OXR1: variants seen among roughly 807,000 people sequenced by gnomAD.
OXR1 encodes the protein oxidation resistance 1.
A neutral mutation model predicts 104.6 loss-of-function variants in OXR1; 41 were observed. That is an observed-to-expected ratio of 0.39 (90% CI 0.31 to 0.51). OXR1 has a LOEUF of 0.51. Ranked by LOEUF, OXR1 falls within the 20% of genes least tolerant of loss-of-function variation. The pLI is 0.77. For missense variants in OXR1, 955 were observed against 1,031.9 expected (o/e 0.93, Z 1.02); for synonymous variants, 348 against 348.4 (o/e 1.00, Z 0.01).
At chr8:106,545,846 A>G (rs1054007482) in intron 3 of OXR1, among the ~76,000 whole-genome samples, 1 of 152,046 alleles carries the variant, frequency 6.6e-6, no homozygotes, top group African/African-American at 2.4e-5. Context: ...AAATACAACA[A>G]TTAGCCAGTT....
chr8:106,508,520 A>T (rs1026494467), intron 2 of OXR1, among the ~76,000 whole-genome samples: 9 of 152,196 alleles, frequency 5.9e-5, no homozygotes, highest in African/African-American at 2.2e-4. Context: ...TAGGGTAGCT[A>T]ATCCGAATTT....
At position 106,740,485 on chromosome 8, in the gene OXR1, G is replaced by A; in HGVS notation, c.2306G>A (p.Ser769Asn). Reference sequence around the variant, plus strand: ...CCAGTGCTGATGGTGATTAAAGACAGTGATGGACAGGTATGAAACACCAAC... The same window carrying A: ...CCAGTGCTGATGGTGATTAAAGACAATGATGGACAGGTATGAAACACCAAC... Reference protein sequence around the residue: ...DTPVLMVIKDSDGQVFGALAS... With the variant: ...DTPVLMVIKDNDGQVFGALAS... The change falls in exon 14 of 17, where the codon AGT becomes AAT. Residue 769 changes from serine to asparagine, a missense_variant. This residue lies in a region of OXR1 where 106 missense variants were observed against 179.0 expected (regional missense o/e 0.59). Transcript: ENST00000517566. 6.2e-7 allele frequency: 1 copy of A among 1,610,894 alleles called. No individual in the cohort carries two copies. Among genetic ancestry groups the A allele is most frequent in the Non-Finnish European group, 8.5e-7 (1 of 1,178,442 alleles).
chr8:106,594,401 TA>T (rs1359403240), intron 3 of OXR1, among the ~76,000 whole-genome samples: 1 of 152,212 alleles, frequency 6.6e-6, no homozygotes, highest in African/African-American at 2.4e-5. Flanking sequence ...TAAGTGGTCC[TA>T]AAACCAGCAA....
At chr8:106,541,259 A>T (rs1456834609) in intron 3 of OXR1, among the ~76,000 whole-genome samples, 1 of 152,250 alleles carries the variant, frequency 6.6e-6, no homozygotes, top group Non-Finnish European at 1.5e-5. Context: ...TGTGTCAGAC[A>T]CATAGTAAGT....
At chr8:106,694,536 T>TATATTTGATATATAAATATGTTTATAC (rs1563716025) in intron 7 of OXR1, among the ~76,000 whole-genome samples, 13 of 132,468 alleles carry the variant, frequency 9.8e-5, no homozygotes, top group African/African-American at 2.8e-4. Flanking sequence ...TATGTTTATA[T>TATATTTGATATATAAATATGTTTATAC]ATATTTGATA....
chr8:106,384,127 C>T (rs2022981), intron 2 of OXR1, among the ~76,000 whole-genome samples: 14,416 of 152,062 alleles, frequency 0.095, 1,401 homozygotes, highest in African/African-American at 0.25. Context: ...TGATGCTTGT[C>T]TATAAAAAGT....
chr8:106,566,968 G>A (rs765316006), intron 3 of OXR1, among the ~76,000 whole-genome samples: 14 of 152,086 alleles, frequency 9.2e-5, no homozygotes, highest in Non-Finnish European at 1.6e-4. Flanking sequence ...CCTGTCGGGG[G>A]TTGGAGGGCA....
At chr8:106,526,765 T>C (rs112427474) in intron 3 of OXR1, among the ~76,000 whole-genome samples, 26 of 152,318 alleles carry the variant, frequency 1.7e-4, no homozygotes, top group East Asian at 5.8e-4. Flanking sequence ...GGATGGTCTC[T>C]ATCTCCTGAC....
chr8:106,422,678 A>G (rs1431119091), intron 2 of OXR1, among the ~76,000 whole-genome samples: 1 of 152,138 alleles, frequency 6.6e-6, no homozygotes, highest in African/African-American at 2.4e-5. Flanking sequence ...CCATTTTTAG[A>G]GCACTCATTT....
intron 1 of OXR1, among the ~76,000 whole-genome samples, chr8:106,312,545 G>A (rs1813751571): frequency 1.3e-5 from 2 of 152,116 alleles, no homozygotes; most frequent in Non-Finnish European, 2.9e-5. Flanking sequence ...AATACTCAGA[G>A]GCAAAAATCA....
intron 3 of OXR1, among the ~76,000 whole-genome samples, chr8:106,584,727 C>G (rs568741910): frequency 6.6e-6 from 1 of 152,114 alleles, no homozygotes; most frequent in African/African-American, 2.4e-5. Context: ...TACAGTTTCT[C>G]AAGTGCTCCA....
chr8:106,492,702 A>G (rs892071199), intron 2 of OXR1, among the ~76,000 whole-genome samples: 2 of 152,212 alleles, frequency 1.3e-5, no homozygotes, highest in African/African-American at 2.4e-5. Flanking sequence ...TACTGTCTAC[A>G]GGTATTTGGG....
At chr8:106,748,803 C>A (rs1563772062) in intron 16 of OXR1, among the ~76,000 whole-genome samples, 1 of 151,418 alleles carries the variant, frequency 6.6e-6, no homozygotes. Flanking sequence ...CTACTGACCT[C>A]AGGGGATCCA....
chr8:106,346,078 G>T (rs1283159468), intron 1 of OXR1, among the ~76,000 whole-genome samples: 1 of 150,154 alleles, frequency 6.7e-6, no homozygotes, highest in Non-Finnish European at 1.5e-5. Context: ...CTTGGTAATG[G>T]GGTTGCAGCA....
intron 5 of OXR1, among the ~76,000 whole-genome samples, chr8:106,683,742 A>G (rs1828413217): frequency 6.6e-6 from 1 of 152,138 alleles, no homozygotes; most frequent in South Asian, 2.1e-4. Context: ...AAAGTGTTGT[A>G]TTTAATCACA....
intron 3 of OXR1, among the ~76,000 whole-genome samples, chr8:106,674,386 G>T (rs1362550232): frequency 1.3e-5 from 2 of 152,226 alleles, no homozygotes; most frequent in African/African-American, 4.8e-5. Flanking sequence ...ATTTGGAACA[G>T]AGACATTTAC....
intron 3 of OXR1, among the ~76,000 whole-genome samples, chr8:106,603,601 G>A (rs1820132395): frequency 1.3e-5 from 2 of 152,140 alleles, no homozygotes; most frequent in Admixed American, 1.3e-4. Flanking sequence ...TATGATGGGT[G>A]ATTGTTATTT....
In OXR1 at chr8:106,302,538, A is replaced by G. The variant is rs186051655; in HGVS notation, c.-139+32171A>G. ...GAGGCGGAGCTTGCAGTGAGCTTAG[A>G]TCGCGCCAGTGCACTCCAGCCTGGG... On this transcript the variant is annotated intron_variant, in intron 1 of 16. Transcript: ENST00000517566. 5.4e-3 allele frequency among the ~76,000 whole-genome samples: 807 copies of G among 150,452 alleles called. 11 individuals carry two copies. Among genetic ancestry groups the G allele is most frequent in the African/African-American group, 0.019 (780 of 40,876 alleles).
chr8:106,715,144 G>A (rs961838516), intron 11 of OXR1, among the ~76,000 whole-genome samples: 9 of 151,898 alleles, frequency 5.9e-5, no homozygotes, highest in Admixed American at 5.9e-4. Flanking sequence ...AAGATCTACT[G>A]GTACAGGCAA....
Sources: allele counts gnomAD v4.1 joint callset (sites outside exome capture counted in the v4.1 genomes callset), GRCh38; gene constraint gnomAD v4.1.1; regional missense constraint gnomAD v4.1.1; transcripts MANE v1.5; gene names NCBI Gene and HGNC (gene_info 2026-07-23, HGNC 2026-07-21).